Variants in LINGO2 observed in about 807,000 individuals in gnomAD.
The protein encoded by LINGO2 is leucine rich repeat and Ig domain containing 2, also known as leucine-rich repeat and immunoglobulin-like domain-containing nogo receptor-interacting protein 2.
Under a neutral mutation model 30.6 loss-of-function variants are expected in LINGO2, and 14 were observed. The observed-to-expected ratio is 0.46, with a 90% CI of 0.30 to 0.72. LINGO2 has a LOEUF of 0.72. Among genes scored for constraint, LINGO2 ranks in the 30% least tolerant of loss-of-function variants. LINGO2 has a pLI of 0.07. For synonymous variants in LINGO2, 317 were observed against 288.5 expected (o/e 1.10, Z -1.00); for missense variants, 729 against 751.7 (o/e 0.97, Z 0.35).
At chr9:29,076,209 G>A in the LINGO2 span, among the ~76,000 whole-genome samples, 15 of 151,952 alleles carry the variant, frequency 9.9e-5, no homozygotes, top group Non-Finnish European at 2.2e-4. Context: ...TATGTTCTGG[G>A]AAGACACTTG....
intron 5 of LINGO2, among the ~76,000 whole-genome samples, chr9:27,970,101 T>C (rs2118740129): frequency 6.6e-6 from 1 of 152,334 alleles, no homozygotes; most frequent in Non-Finnish European, 1.5e-5. Flanking sequence ...CATTTGTATC[T>C]GCTCTGTAAT....
chr9:29,072,653 A>T, the LINGO2 span, among the ~76,000 whole-genome samples: 1 of 149,000 alleles, frequency 6.7e-6, no homozygotes, highest in Non-Finnish European at 1.5e-5. Flanking sequence ...ATAATTGGGA[A>T]TCCCCTCAGC....
chr9:28,821,164 C>A, the LINGO2 span, among the ~76,000 whole-genome samples: 4 of 143,882 alleles, frequency 2.8e-5, no homozygotes, highest in East Asian at 2.2e-4. Context: ...ATAGCCCTTG[C>A]GAACAAAGTG....
At chr9:28,748,727 T>C in the LINGO2 span, among the ~76,000 whole-genome samples, 4 of 152,060 alleles carry the variant, frequency 2.6e-5, no homozygotes, top group African/African-American at 9.7e-5. Context: ...AGTAATTTTA[T>C]GAACTCATTA....
At chr9:28,059,725 A>G (rs1022942799) in intron 4 of LINGO2, among the ~76,000 whole-genome samples, 3 of 152,160 alleles carry the variant, frequency 2.0e-5, no homozygotes, top group Non-Finnish European at 4.4e-5. Flanking sequence ...GAAAGGCCCT[A>G]TAGCCATCAT....
the LINGO2 span, among the ~76,000 whole-genome samples, chr9:28,768,801 T>C: frequency 6.6e-6 from 1 of 152,176 alleles, no homozygotes; most frequent in Non-Finnish European, 1.5e-5. Flanking sequence ...TTTTTCTACA[T>C]TGAGAATCTT....
chr9:29,138,909 C>T, the LINGO2 span, among the ~76,000 whole-genome samples: 5 of 152,122 alleles, frequency 3.3e-5, no homozygotes, highest in African/African-American at 1.2e-4. Flanking sequence ...TGAATAATCC[C>T]CTCCAGAGTA....
At chr9:28,474,176 A>T (rs1010655934) in intron 2 of LINGO2, among the ~76,000 whole-genome samples, 1 of 152,188 alleles carries the variant, frequency 6.6e-6, no homozygotes, top group African/African-American at 2.4e-5. Flanking sequence ...CTTTGCACCA[A>T]AAGTGCTGCA....
chr9:28,518,521 T>C (rs77255428), intron 1 of LINGO2, among the ~76,000 whole-genome samples: 17 of 152,316 alleles, frequency 1.1e-4, no homozygotes, highest in Non-Finnish European at 2.4e-4. Flanking sequence ...TACCTTTTTC[T>C]TCCTTAAAAC....
the LINGO2 span, among the ~76,000 whole-genome samples, chr9:29,084,163 C>T: frequency 2.0e-5 from 3 of 149,720 alleles, no homozygotes; most frequent in Non-Finnish European, 3.0e-5. Context: ...ACAAAGGTGT[C>T]TTTCAAAAAT....
intron 1 of LINGO2, among the ~76,000 whole-genome samples, chr9:28,555,693 A>G (rs994331146): frequency 2.0e-5 from 3 of 152,140 alleles, no homozygotes; most frequent in South Asian, 4.2e-4. Flanking sequence ...AGACACAACC[A>G]AAAAAGCGAA....
At chr9:28,939,810 C>G in the LINGO2 span, among the ~76,000 whole-genome samples, 4 of 152,082 alleles carry the variant, frequency 2.6e-5, no homozygotes, top group African/African-American at 9.7e-5. Flanking sequence ...TTCTACCCCA[C>G]CTTTCTGAAT....
At chr9:29,110,484 C>G in the LINGO2 span, among the ~76,000 whole-genome samples, 1 of 151,716 alleles carries the variant, frequency 6.6e-6, no homozygotes. Flanking sequence ...AGGCGCCCGC[C>G]GCCACGCCCG....
At chr9:28,327,679 C>T (rs1169058919) in intron 3 of LINGO2, among the ~76,000 whole-genome samples, 6 of 152,096 alleles carry the variant, frequency 3.9e-5, no homozygotes, top group African/African-American at 1.5e-4. Context: ...GTGCTAACAT[C>T]TAATTGATAT....
At chr9:28,774,168 A>T in the LINGO2 span, among the ~76,000 whole-genome samples, 436 of 152,110 alleles carry the variant, frequency 2.9e-3, 3 homozygotes, top group African/African-American at 0.01. Flanking sequence ...TTTGATTTTA[A>T]TTTCAATAAT....
chr9:28,400,368 TCCAGGTC>T (rs1482103734), intron 2 of LINGO2, among the ~76,000 whole-genome samples: 2 of 152,150 alleles, frequency 1.3e-5, no homozygotes, highest in African/African-American at 4.8e-5. Context: ...AACACCTCTT[TCCAGGTC>T]CATATTCAAT....
chr9:29,019,867 G>A, the LINGO2 span, among the ~76,000 whole-genome samples: 9 of 152,056 alleles, frequency 5.9e-5, 1 homozygote, highest in Non-Finnish European at 1.3e-4. Flanking sequence ...CTAGTACAAA[G>A]ATCGAATCAT....
chr9:29,155,926 T>C, the LINGO2 span, among the ~76,000 whole-genome samples: 3 of 152,100 alleles, frequency 2.0e-5, no homozygotes, highest in South Asian at 6.2e-4. Flanking sequence ...CCCACCTTCA[T>C]TAAGGAACCA....
chr9:28,478,979 TG>T (rs1229623686), intron 1 of LINGO2, among the ~76,000 whole-genome samples: 1 of 152,096 alleles, frequency 6.6e-6, no homozygotes, highest in Non-Finnish European at 1.5e-5. Flanking sequence ...CTTTCATTCA[TG>T]AAGTCCTATA....
Sources: gnomAD v4.1 joint callset for allele counts (sites outside exome capture counted in the v4.1 genomes callset) on GRCh38, gnomAD v4.1.1 for gene constraint, MANE v1.5 for transcripts, NCBI Gene and HGNC (gene_info 2026-07-23, HGNC 2026-07-21) for gene names.